The following IL1RAPL1 variants were observed in gnomAD, a reference collection of about 807,000 sequenced individuals.
IL1RAPL1 encodes the protein interleukin-1 receptor accessory protein-like 1.
IL1RAPL1 carries 3 observed loss-of-function variants against 48.4 expected under a neutral mutation model. That is an observed-to-expected ratio of 0.06 (90% CI 0.03 to 0.16). The LOEUF (loss-of-function observed/expected upper bound fraction) is 0.16. Among genes scored for constraint, IL1RAPL1 ranks in the 10% least tolerant of loss-of-function variants. The pLI is 1.00. For missense variants in IL1RAPL1, 349 were observed against 530.6 expected, an observed-to-expected ratio of 0.66 and a Z score of 3.36; for synonymous variants, 185 against 187.7, an observed-to-expected ratio of 0.99 and a Z score of 0.12.
chrX:29,386,543 ATTTT>A (rs34017097), intron 3 of IL1RAPL1, among the ~76,000 whole-genome samples: 1 of 86,621 alleles, frequency 1.2e-5, no homozygotes, highest in Admixed American at 1.3e-4. Context: ...TGAGTGAATG[ATTTT>A]TTTTTTTTTT....
intron 2 of IL1RAPL1, among the ~76,000 whole-genome samples, chrX:29,235,744 T>C (rs1931278892): frequency 8.9e-6 from 1 of 112,447 alleles, no homozygotes; most frequent in Admixed American, 9.4e-5. Flanking sequence ...AAGGCAAATA[T>C]AGTGATTCTT....
At chrX:29,280,347 A>G (rs1932181961) in intron 2 of IL1RAPL1, among the ~76,000 whole-genome samples, 1 of 111,874 alleles carries the variant, frequency 8.9e-6, no homozygotes, top group Admixed American at 9.5e-5. Context: ...TTTACTCTAG[A>G]TAGTACCTCA....
At chrX:29,182,544 C>T (rs1181676591) in intron 2 of IL1RAPL1, among the ~76,000 whole-genome samples, 2 of 107,868 alleles carry the variant, frequency 1.9e-5, no homozygotes, top group Admixed American at 1.0e-4. Context: ...GTTTATATTA[C>T]GTGGAGTTAA....
At chrX:29,587,700 G>C (rs745983642) in intron 5 of IL1RAPL1, among the ~76,000 whole-genome samples, 1 of 111,294 alleles carries the variant, frequency 9.0e-6, no homozygotes, top group South Asian at 3.8e-4. Flanking sequence ...GAAACCACTG[G>C]GCTCCCCCTT....
intron 5 of IL1RAPL1, among the ~76,000 whole-genome samples, chrX:29,649,598 A>G (rs1925449255): frequency 9.0e-6 from 1 of 111,559 alleles, no homozygotes; most frequent in South Asian, 3.7e-4. Flanking sequence ...AGGTATAGAA[A>G]CAGTGCACCT....
chrX:29,327,738 G>A (rs1187612298), intron 3 of IL1RAPL1, among the ~76,000 whole-genome samples: 1 of 108,133 alleles, frequency 9.2e-6, no homozygotes, highest in Non-Finnish European at 1.9e-5. Context: ...TATTAACATG[G>A]TTTTTAGGAG....
intron 5 of IL1RAPL1, among the ~76,000 whole-genome samples, chrX:29,418,275 G>A (rs915605893): frequency 9.5e-6 from 1 of 105,009 alleles, no homozygotes; most frequent in Non-Finnish European, 1.9e-5. Context: ...ACAGGCCCAC[G>A]CCACCACGCC....
rs192549607 is a variant in IL1RAPL1 at position 28,965,566 on chromosome X, A to G, written c.82+176141A>G. Among the ~76,000 whole-genome samples, 43 of 112,124 alleles carry G rather than the reference A, an allele frequency of 3.8e-4. No individual in the cohort carries two copies. The Admixed American group carries it at 4.1e-3, about 11-fold the overall frequency. ...AGCTTCAAAACTTCACAACTCATTG[A>G]ACTGGCATAATATCAGAGAGACTTG... On this transcript the variant is annotated intron_variant, in intron 2 of 10. Coordinates refer to ENST00000378993, the MANE Select transcript of IL1RAPL1 (RefSeq NM_014271.4).
intron 2 of IL1RAPL1, among the ~76,000 whole-genome samples, chrX:28,852,810 C>G (rs149080164): frequency 0.011 from 1,221 of 111,011 alleles, 20 homozygotes; most frequent in African/African-American, 0.038. Flanking sequence ...GAATTGGTGC[C>G]TGAATGCTCG....
chrX:29,917,437 A>G (rs1214154525), intron 6 of IL1RAPL1, 27 bp from the exon 7 acceptor site: 23 of 1,200,869 alleles, frequency 1.9e-5, no homozygotes, highest in Non-Finnish European at 2.6e-5. Context: ...TAGTTTTATA[A>G]CACTTTTCCA....
chrX:29,702,020 C>T (rs1030526854), intron 6 of IL1RAPL1, among the ~76,000 whole-genome samples: 3 of 111,041 alleles, frequency 2.7e-5, no homozygotes, highest in Non-Finnish European at 3.8e-5. Flanking sequence ...TTTGGGAGGC[C>T]GAGGTAGGCG....
chrX:29,232,802 T>G (rs1931224496), intron 2 of IL1RAPL1, among the ~76,000 whole-genome samples: 1 of 110,738 alleles, frequency 9.0e-6, no homozygotes, highest in Admixed American at 9.7e-5. Flanking sequence ...TTTTTTTACT[T>G]TTTTATTTTT....
intron 2 of IL1RAPL1, among the ~76,000 whole-genome samples, chrX:29,189,063 A>G (rs1184650510): frequency 1.8e-5 from 2 of 112,371 alleles, no homozygotes; most frequent in African/African-American, 6.5e-5. Flanking sequence ...GTGGTTCTTT[A>G]ATAATTGGTA....
intron 1 of IL1RAPL1, among the ~76,000 whole-genome samples, chrX:28,742,169 G>A (rs1935916032): frequency 9.0e-6 from 1 of 111,154 alleles, no homozygotes; most frequent in African/African-American, 3.3e-5. Flanking sequence ...GAAGAAGGTA[G>A]CCTACAACTA....
At chrX:28,954,807 G>T (rs1385474292) in intron 2 of IL1RAPL1, among the ~76,000 whole-genome samples, 1 of 111,539 alleles carries the variant, frequency 9.0e-6, no homozygotes, top group African/African-American at 3.2e-5. Flanking sequence ...GGCAAAACAA[G>T]TGAAGTTAGA....
intron 2 of IL1RAPL1, among the ~76,000 whole-genome samples, chrX:28,962,783 A>G (rs1924815100): frequency 9.1e-6 from 1 of 110,293 alleles, no homozygotes; most frequent in Non-Finnish European, 1.9e-5. Context: ...ACAACATTTT[A>G]TTTAAGAAAT....
intron 1 of IL1RAPL1, among the ~76,000 whole-genome samples, chrX:28,779,618 A>ATG (rs753071924): frequency 2.4e-3 from 84 of 34,850 alleles, no homozygotes; most frequent in South Asian, 0.011. Flanking sequence ...TGATACTATT[A>ATG]TGTGTGTGTG....
At chrX:29,562,094 T>A (rs928673210) in intron 5 of IL1RAPL1, among the ~76,000 whole-genome samples, 2 of 69,318 alleles carry the variant, frequency 2.9e-5, no homozygotes, top group African/African-American at 1.2e-4. Context: ...TCTATCTGTC[T>A]ATCTATCTAT....
intron 9 of IL1RAPL1, among the ~76,000 whole-genome samples, chrX:29,953,283 CA>C: frequency 9.0e-6 from 1 of 111,721 alleles, no homozygotes; most frequent in Non-Finnish European, 1.9e-5. Context: ...AGCATATCAA[CA>C]GTATTTAAAA....
Sources: gnomAD v4.1 joint callset for allele counts (sites outside exome capture counted in the v4.1 genomes callset) on GRCh38, gnomAD v4.1.1 for gene constraint, MANE v1.5 for transcripts, NCBI Gene and HGNC (gene_info 2026-07-23, HGNC 2026-07-21) for gene names.